Variants in YPEL3 observed in about 807,000 individuals in gnomAD.
YPEL3 encodes protein yippee-like 3.
A neutral mutation model predicts 17.5 loss-of-function variants in YPEL3; 5 were observed. The ratio of observed to expected loss-of-function variants is 0.29; its 90% confidence interval spans 0.15 to 0.60. The LOEUF (loss-of-function observed/expected upper bound fraction) is 0.60. Among genes scored for constraint, YPEL3 ranks in the 20% least tolerant of loss-of-function variants. The pLI is 0.87. For missense variants in YPEL3, 155 were observed against 211.4 expected (o/e 0.73, Z 1.65); for synonymous variants, 87 against 87.2 (o/e 1.00, Z 0.01).
chr16:30,095,422 G>C lies in YPEL3; in HGVS notation c.61C>G (p.Leu21Val), dbSNP rs2072782331. Residue 21 changes from leucine (L) to valine (V), a missense_variant, in exon 1 of 4, where the codon CTC becomes GTC. This residue lies in a region of YPEL3 where 58 missense variants were observed against 60.0 expected (regional missense o/e 0.97). Coordinates refer to ENST00000398841, the MANE Select transcript of YPEL3 (RefSeq NM_031477.5). This position sits in a 1 kb window ranked among gnomAD's most constrained non-coding sequence, Gnocchi z 5.4. ...LLPPRQALGS[L>V]CSPWAAPRVG... ...CGGGGAGCGGCCCACGGGGAGCAGA[G>C]GGAGCCCAGTGCCTGCCGGGGAGGG... is the stretch of plus-strand genomic sequence containing the variant. 3 of 1,606,392 alleles carry C rather than the reference G, an allele frequency of 1.9e-6. No homozygotes were observed. The highest frequency in any genetic ancestry group is 2.6e-6 in the Non-Finnish European group (3 of 1,176,314).
rs766147420 is a variant in YPEL3, at chr16:30,095,166, G to A, written c.232-20C>T. 4 of 1,614,154 alleles carry A rather than the reference G, an allele frequency of 2.5e-6. No homozygotes were observed. The highest frequency in any genetic ancestry group is 3.4e-6 in the Non-Finnish European group (4 of 1,180,006). On this transcript the variant is annotated intron_variant, in intron 1 of 3. Transcript: ENST00000398841. This position sits in a 1 kb window ranked among gnomAD's most constrained non-coding sequence, Gnocchi z 5.4. ...GAAGGACTAAAGGGTGAGAGGGTGG[G>A]AAGAGAGGAGGGGGTCAGGGCTGCC...
rs1304662761 is a variant in YPEL3, at chr16:30,095,592, CAGTG to C, written c.-114_-111del. ...GACCAGAGGCGTCTCGGTTTTGACT[CAGTG>C]AGGAGGCCTCAGGTTGCATCCATGG... On this transcript the variant is annotated 5_prime_UTR_variant, in exon 1 of 4. It introduces an in-frame stop codon into an upstream open reading frame of the 5' UTR. Transcript: ENST00000398841. The surrounding 1 kb of genome is among the most constrained non-coding windows in gnomAD (Gnocchi z 5.4). 5.1e-6 allele frequency: 5 copies of C among 979,974 alleles called. No homozygotes were observed. The highest frequency in any genetic ancestry group is 7.3e-6 in the Non-Finnish European group (5 of 688,662). The allele number at this position is 979,974 out of a possible 1,614,324, so 60.7% of individuals were successfully genotyped here. A position where few individuals can be genotyped will look rare whatever the true frequency, so the allele number is the denominator to read the frequency against.
At position 30,095,141 on chromosome 16, in the gene YPEL3, G is replaced by A. The variant is rs765527343; in HGVS notation, c.237C>T (p.Phe79=). 1.2e-6 allele frequency: 2 copies of A among 1,614,176 alleles called. No homozygotes were observed. Among genetic ancestry groups the A allele is most frequent in the Non-Finnish European group, 1.7e-6 (2 of 1,180,024 alleles). The change falls in exon 2 of 4, where the codon TTC becomes TTT. Residue 79 remains phenylalanine (F), a synonymous_variant. Transcript: ENST00000398841. This position sits in a 1 kb window ranked among gnomAD's most constrained non-coding sequence, Gnocchi z 5.4. ...GGTAGGCACGCCCCTGACTGCCCTG[G>A]AAGGACTAAAGGGTGAGAGGGTGGG... ...ANHDDLISKS[F]QGSQGRAYLF...
rs1238070452 is a variant in YPEL3 at position 30,095,404 on chromosome 16, C to T, written c.79G>A (p.Ala27Thr). ...ALGSLCSPWA[A>T]PRVGPLPPAP... ...GGGGGCAGTGGCCCCACGCGGGGAG[C>T]GGCCCACGGGGAGCAGAGGGAGCCC... The change falls in exon 1 of 4, where the codon GCT becomes ACT. Residue 27 changes from alanine (A) to threonine (T), a missense_variant. Coordinates refer to ENST00000398841, the MANE Select transcript of YPEL3 (RefSeq NM_031477.5). The surrounding 1 kb of genome is among the most constrained non-coding windows in gnomAD (Gnocchi z 5.4). 5.0e-6 allele frequency: 8 copies of T among 1,610,676 alleles called. No homozygotes were observed. Among genetic ancestry groups the T allele is most frequent in the African/African-American group, 1.3e-5 (1 of 74,982 alleles).
rs778289996 is a variant in YPEL3 at position 30,095,420 on chromosome 16, G to C, written c.63C>G (p.Leu21=). The change falls in exon 1 of 4, where the codon CTC becomes CTG. Residue 21 remains leucine (L), a synonymous_variant. Transcript: ENST00000398841. The surrounding 1 kb of genome is among the most constrained non-coding windows in gnomAD (Gnocchi z 5.4). ...CGCGGGGAGCGGCCCACGGGGAGCA[G>C]AGGGAGCCCAGTGCCTGCCGGGGAG... ...LLPPRQALGS[L]CSPWAAPRVG... is the part of the protein sequence containing the mutation. 20 of 1,607,270 alleles carry C rather than the reference G, an allele frequency of 1.2e-5. No individual in the cohort carries two copies. In the Admixed American group the frequency reaches 2.7e-4, roughly 22 times the overall value.
intron 3 of YPEL3, chr16:30,094,445 G>GAGAT (rs1281900515): frequency 3.5e-6 from 1 of 285,324 alleles, no homozygotes; most frequent in Non-Finnish European, 6.8e-6. Context: ...TTCTTCTGTA[G>GAGAT]AGATAATAAT....
chr16:30,094,391 G>C (rs992874600), intron 3 of YPEL3: 4 of 204,752 alleles, frequency 2.0e-5, no homozygotes, highest in Non-Finnish European at 4.1e-5. Context: ...TTACCAGTTG[G>C]GTGATCTTGG....
chr16:30,093,906 T>TA (rs1259552357), intron 3 of YPEL3: 1 of 152,120 alleles, frequency 6.6e-6, no homozygotes, highest in African/African-American at 2.4e-5. Flanking sequence ...CTTTATTTGG[T>TA]AGAGGTCCAG....
chr16:30,092,945 A>G (rs2072749999), intron 3 of YPEL3, 146 bp from the exon 4 acceptor site: 1 of 648,612 alleles, frequency 1.5e-6, no homozygotes, highest in Non-Finnish European at 2.7e-6. Context: ...ACAAACACAG[A>G]GTAGAATAGA....
intron 3 of YPEL3, chr16:30,093,831 AC>A (rs767948539): frequency 1.4e-5 from 2 of 142,000 alleles, no homozygotes; most frequent in African/African-American, 5.4e-5. Context: ...CTTGTGATCC[AC>A]CCGCCTCGGC....
chr16:30,094,839 C>T lies in YPEL3; in HGVS notation c.334G>A (p.Val112Ile). 1.9e-6 allele frequency: 3 copies of T among 1,614,106 alleles called. No homozygotes were observed. Among genetic ancestry groups the T allele is most frequent in the Non-Finnish European group, 2.5e-6 (3 of 1,180,002 alleles). The stretch of plus-strand genomic sequence containing the variant: ...CAGTTCTCGCAGTGGATGTCGGCGA[C>T]AGCATGGAGGCCGGTCAGCAGCACC... ...ERVLLTGLHA[V>I]ADIHCENCKT... The change falls in exon 3 of 4, where the codon GTC becomes ATC. Residue 112 changes from valine to isoleucine, a missense_variant. Val to Ile is a conservative substitution (Grantham distance 29). Coordinates refer to ENST00000398841, the MANE Select transcript of YPEL3 (RefSeq NM_031477.5).
intron 3 of YPEL3, 55 bp downstream of exon 3, chr16:30,094,734 A>T (rs1287337866): frequency 1.3e-6 from 2 of 1,484,718 alleles, no homozygotes; most frequent in Non-Finnish European, 1.9e-6. Flanking sequence ...TGTCAGGAGG[A>T]GGTGTTGGAA....
In YPEL3 at chr16:30,092,375, TG is replaced by T. The variant is rs1265865468; in HGVS notation, c.*334del. The T allele has an allele frequency of 3.4e-6, 1 of 297,074 alleles. No homozygotes were observed. 18.4% of individuals were successfully genotyped at this position (297,074 alleles called of 1,614,324 possible). A position where few individuals can be genotyped will look rare whatever the true frequency, so the allele number is the denominator to read the frequency against. ...ACAGAACGAGGGGGACAGACACGCG[TG>T]GGGTAAGAAGGGCCTGGTGGGAGGA... is the stretch of plus-strand genomic sequence containing the variant. On this transcript the variant is annotated 3_prime_UTR_variant, in exon 4 of 4. Coordinates refer to ENST00000398841, the MANE Select transcript of YPEL3 (RefSeq NM_031477.5).
At position 30,095,488 on chromosome 16, in the gene YPEL3, G is replaced by C; in HGVS notation, c.-6C>G. On this transcript the variant is annotated 5_prime_UTR_variant, in exon 1 of 4. Coordinates refer to ENST00000398841, the MANE Select transcript of YPEL3 (RefSeq NM_031477.5). The surrounding 1 kb of genome is among the most constrained non-coding windows in gnomAD (Gnocchi z 5.4). ...AGGACCTGGGCCACACACATGCGAGGCACTCCCAGAGCCGTGGGGACTCGC... is the reference window on the plus strand; with the variant it reads ...AGGACCTGGGCCACACACATGCGAGCCACTCCCAGAGCCGTGGGGACTCGC... 1 of 1,503,064 alleles carries C rather than the reference G, an allele frequency of 6.7e-7. No individual in the cohort carries two copies. Among genetic ancestry groups the C allele is most frequent in the Non-Finnish European group, 8.9e-7 (1 of 1,125,792 alleles). The allele number at this position is 1,503,064 out of a possible 1,614,324, so 93.1% of individuals were successfully genotyped here. A position where few individuals can be genotyped will look rare whatever the true frequency, so the allele number is the denominator to read the frequency against.
Position 30,095,337 on chromosome 16 carries a change from T to C in YPEL3, c.146A>G (p.Gln49Arg). The C allele has an allele frequency of 6.2e-7, 1 of 1,614,204 alleles. No homozygotes were observed. Among genetic ancestry groups the C allele is most frequent in the East Asian group, 2.2e-5 (1 of 44,886 alleles). ...CCGGTGACAATCATCCAAGTAGGCC[T>C]GAAACGTCTTGGGCTTTGAAATCCG... Reference protein sequence around the residue: ...MVRISKPKTFQAYLDDCHRRY... With the variant: ...MVRISKPKTFRAYLDDCHRRY... The change falls in exon 1 of 4, where the codon CAG (glutamine) becomes CGG (arginine). Residue 49 changes from glutamine to arginine, a missense_variant. Gln to Arg is a conservative substitution (Grantham distance 43). Around this residue, in one of 3 missense-constraint regions of YPEL3, gnomAD observed 74 missense variants for 134.9 expected, o/e 0.55. Transcript: ENST00000398841. This position sits in a 1 kb window ranked among gnomAD's most constrained non-coding sequence, Gnocchi z 5.4.
At position 30,092,819 on chromosome 16, in the gene YPEL3, C is replaced by G. The variant is rs940468204; in HGVS notation, c.385-20G>C. 1.2e-6 allele frequency: 2 copies of G among 1,609,620 alleles called. No individual in the cohort carries two copies. The highest frequency in any genetic ancestry group is 1.3e-5 in the African/African-American group (1 of 74,934). On this transcript the variant is annotated intron_variant, in intron 3 of 3. Transcript: ENST00000398841. ...CTGTTCCTGAAAGGAGGGGCGGGAC[C>G]GTCATCCCCGGAGCAACAGTCTCAC...
Position 30,092,590 on chromosome 16 carries a change from G to A in YPEL3, c.*120C>T. 2.3e-6 allele frequency: 2 copies of A among 858,704 alleles called. No individual in the cohort carries two copies. The highest frequency in any genetic ancestry group is 3.8e-6 in the Non-Finnish European group (2 of 528,448). The allele number at this position is 858,704 out of a possible 1,614,324, so 53.2% of individuals were successfully genotyped here. A position where few individuals can be genotyped will look rare whatever the true frequency, so the allele number is the denominator to read the frequency against. ...CATGCAATAAAATATATATACAGGA[G>A]CTAGATCCGTCCTCTGCAGGGGCTC... On this transcript the variant is annotated 3_prime_UTR_variant, in exon 4 of 4. Transcript: ENST00000398841.
Position 30,094,865 on chromosome 16 carries a change from C to A in YPEL3, c.308G>T (p.Arg103Leu). 1.2e-6 allele frequency: 2 copies of A among 1,613,790 alleles called. No homozygotes were observed. The highest frequency in any genetic ancestry group is 1.7e-6 in the Non-Finnish European group (2 of 1,179,882). The change falls in exon 3 of 4, where the codon CGG becomes CTG. Residue 103 changes from arginine (R) to leucine (L), a missense_variant. By Grantham distance (102) the Arg-to-Leu change is moderately radical (BLOSUM62 -2). Transcript: ENST00000398841. ...AGCATGGAGGCCGGTCAGCAGCACC[C>A]GCTCCTCGGCTGGCCCGCAGCCCAC... ...VNVGCGPAEE[R>L]VLLTGLHAVA...
rs2072784914 is a variant in YPEL3, at chr16:30,095,608, G to C, written c.-126C>G. 1.2e-6 allele frequency: 1 copy of C among 841,336 alleles called. No homozygotes were observed. Among genetic ancestry groups the C allele is most frequent in the African/African-American group, 1.7e-5 (1 of 58,542 alleles). The allele number at this position is 841,336 out of a possible 1,614,324, so 52.1% of individuals were successfully genotyped here. Reference sequence around the variant, plus strand: ...GTTTTGACTCAGTGAGGAGGCCTCAGGTTGCATCCATGGGGAAACTGAGGC... The same window carrying C: ...GTTTTGACTCAGTGAGGAGGCCTCACGTTGCATCCATGGGGAAACTGAGGC... On this transcript the variant is annotated 5_prime_UTR_variant, in exon 1 of 4. Coordinates refer to ENST00000398841, the MANE Select transcript of YPEL3 (RefSeq NM_031477.5). The surrounding 1 kb of genome is among the most constrained non-coding windows in gnomAD (Gnocchi z 5.4).
Sources: gnomAD v4.1 joint callset for allele counts on GRCh38, gnomAD v4.1.1 for gene constraint, gnomAD v4.1.1 regional missense constraint, Gnocchi (gnomAD v3.1) non-coding constraint, MANE v1.5 for transcripts, NCBI Gene and HGNC (gene_info 2026-07-23, HGNC 2026-07-21) for gene names.